TMEM132B: variants seen among roughly 807,000 people sequenced by gnomAD.
TMEM132B encodes transmembrane protein 132B.
Under a neutral mutation model 90.8 loss-of-function variants are expected in TMEM132B, and 18 were observed. The ratio of observed to expected loss-of-function variants is 0.20; its 90% CI spans 0.14 to 0.29. TMEM132B has a LOEUF of 0.29. Among genes scored for constraint, TMEM132B ranks in the 10% least tolerant of loss-of-function variants. The pLI is 1.00. For missense variants in TMEM132B, 1,096 were observed against 1,326.8 expected (o/e 0.83, Z 2.70); for synonymous variants, 504 against 523.3 (o/e 0.96, Z 0.50).
In TMEM132B at chr12:125,432,528, T is replaced by TATATATAG. The variant is rs1458075923; in HGVS notation, c.1106+16852_1106+16853insTATATAGA. Among the ~76,000 whole-genome samples, 318 of 39,116 alleles carry TATATATAG rather than the reference T, an allele frequency of 8.1e-3. 79 individuals are homozygous for TATATATAG. The highest frequency in any genetic ancestry group is 0.02 in the South Asian group (22 of 1,078). 25.7% of individuals were successfully genotyped at this position (39,116 alleles called of 152,430 possible). ...GTGTGTGTGTATATATATATATATA[T>TATATATAG]AGAGAGAGAGAGAGAGAGAGAGAGA... On this transcript the variant is annotated intron_variant, in intron 3 of 8. Coordinates refer to ENST00000682704, the MANE Select transcript of TMEM132B (RefSeq NM_001366854.1).
chr12:125,619,624 C>T (rs1201279752), intron 5 of TMEM132B, among the ~76,000 whole-genome samples: 2 of 152,032 alleles, frequency 1.3e-5, no homozygotes, highest in Non-Finnish European at 2.9e-5. Flanking sequence ...CTTAGCCTCC[C>T]AAAGTGCTGG....
At chr12:125,646,693 T>A (rs1316810757) in intron 6 of TMEM132B, among the ~76,000 whole-genome samples, 1 of 152,168 alleles carries the variant, frequency 6.6e-6, no homozygotes, top group Non-Finnish European at 1.5e-5. Context: ...TGCACAAAAG[T>A]AGGCTAGGAC....
chr12:125,614,255 T>G (rs1379336969), intron 5 of TMEM132B, among the ~76,000 whole-genome samples: 1 of 152,162 alleles, frequency 6.6e-6, no homozygotes, highest in Non-Finnish European at 1.5e-5. Flanking sequence ...GATAGTTTTT[T>G]AACCCATCCT....
intron 1 of TMEM132B, among the ~76,000 whole-genome samples, chr12:125,247,157 T>C (rs916789715): frequency 1.3e-5 from 2 of 152,198 alleles, no homozygotes; most frequent in African/African-American, 4.8e-5. Flanking sequence ...CCTTATTTTC[T>C]CCTTTCTTTG....
At chr12:125,461,907 G>A (rs1881446581) in intron 3 of TMEM132B, among the ~76,000 whole-genome samples, 1 of 152,312 alleles carries the variant, frequency 6.6e-6, no homozygotes, top group Non-Finnish European at 1.5e-5. Context: ...TCGCTGTGCT[G>A]TTCAATCTTC....
intron 4 of TMEM132B, among the ~76,000 whole-genome samples, chr12:125,527,721 C>T (rs972958977): frequency 6.6e-6 from 1 of 151,376 alleles, no homozygotes; most frequent in African/African-American, 2.5e-5. Context: ...CCCATCCACC[C>T]TTCCATCCAC....
intron 4 of TMEM132B, among the ~76,000 whole-genome samples, chr12:125,542,942 C>G (rs1883992904): frequency 6.6e-6 from 1 of 152,170 alleles, no homozygotes; most frequent in Admixed American, 6.5e-5. Flanking sequence ...GTGATGGCCT[C>G]CATTCTGATG....
chr12:125,286,957 C>T (rs1875374363), intron 1 of TMEM132B, among the ~76,000 whole-genome samples: 1 of 151,902 alleles, frequency 6.6e-6, no homozygotes, highest in African/African-American at 2.4e-5. Context: ...CCCTCCTCGG[C>T]CTCCCTAAGT....
At chr12:125,338,711 C>G (rs903282667) in intron 1 of TMEM132B, among the ~76,000 whole-genome samples, 17 of 152,202 alleles carry the variant, frequency 1.1e-4, no homozygotes, top group African/African-American at 3.9e-4. Flanking sequence ...CTCTGCTGTC[C>G]TGCCCATCAG....
At chr12:125,564,708 G>C (rs1488228377) in intron 4 of TMEM132B, among the ~76,000 whole-genome samples, 1 of 152,168 alleles carries the variant, frequency 6.6e-6, no homozygotes, top group Non-Finnish European at 1.5e-5. Context: ...TTCCTGTGTA[G>C]TTTTAGCGGG....
chr12:125,422,526 C>A (rs899123489), intron 3 of TMEM132B, among the ~76,000 whole-genome samples: 2 of 152,222 alleles, frequency 1.3e-5, no homozygotes, highest in African/African-American at 4.8e-5. Context: ...AGCATGCCCC[C>A]TCAAAAGACA....
intron 5 of TMEM132B, chr12:125,584,737 G>C (rs1340538988): frequency 6.6e-6 from 1 of 152,116 alleles, no homozygotes; most frequent in Non-Finnish European, 1.5e-5. Flanking sequence ...CATGCTCTCT[G>C]AAGGGGTCTT....
intron 1 of TMEM132B, among the ~76,000 whole-genome samples, chr12:125,266,095 G>C (rs1874688206): frequency 6.6e-6 from 1 of 152,100 alleles, no homozygotes; most frequent in Non-Finnish European, 1.5e-5. Flanking sequence ...CAGGTGTGGT[G>C]GCGGGCATCT....
intron 5 of TMEM132B, among the ~76,000 whole-genome samples, chr12:125,609,748 C>T (rs192515092): frequency 0.016 from 2,061 of 125,286 alleles, 23 homozygotes; most frequent in Middle Eastern, 0.026. Context: ...ACCTGGGAGG[C>T]GGAGGTTGCA....
intron 3 of TMEM132B, among the ~76,000 whole-genome samples, chr12:125,483,479 A>G (rs1388675174): frequency 1.3e-5 from 2 of 151,948 alleles, no homozygotes; most frequent in East Asian, 1.9e-4. Context: ...GATAAAAGCA[A>G]TTTGGTCTTG....
Position 125,186,689 on chromosome 12 carries a change from G to A in TMEM132B, c.-111G>A, listed in dbSNP as rs1244034464. On this transcript the variant is annotated 5_prime_UTR_variant, in exon 1 of 9. Transcript: ENST00000682704. This position sits in a 1 kb window ranked among gnomAD's most constrained non-coding sequence, Gnocchi z 6.3. ...GGGAGGAGCGGCGCGCTGGGAGCGA[G>A]CCATGCCCGGCGCCCGGGCGTAGCC... 6.8e-6 allele frequency: 1 copy of A among 146,546 alleles called. No individual in the cohort carries two copies. The highest frequency in any genetic ancestry group is 1.5e-5 in the Non-Finnish European group (1 of 65,900). The allele number at this position is 146,546 out of a possible 1,614,324, so 9.1% of individuals were successfully genotyped here.
chr12:125,599,040 G>A (rs574982863), intron 5 of TMEM132B, among the ~76,000 whole-genome samples: 11 of 152,264 alleles, frequency 7.2e-5, no homozygotes, highest in Non-Finnish European at 1.6e-4. Flanking sequence ...TTTGTAGTGA[G>A]GGAGCAACAT....
At chr12:125,588,583 C>T (rs974490372) in intron 5 of TMEM132B, among the ~76,000 whole-genome samples, 3 of 152,196 alleles carry the variant, frequency 2.0e-5, no homozygotes, top group Non-Finnish European at 4.4e-5. Flanking sequence ...CTGCCTCAGC[C>T]TCCCAAAGTG....
At chr12:125,289,850 A>T (rs1875484210) in intron 1 of TMEM132B, among the ~76,000 whole-genome samples, 1 of 152,224 alleles carries the variant, frequency 6.6e-6, no homozygotes, top group Non-Finnish European at 1.5e-5. Context: ...GACAGAGGGA[A>T]GCAGTGTTTC....
Sources: allele counts gnomAD v4.1 joint callset (sites outside exome capture counted in the v4.1 genomes callset), GRCh38; gene constraint gnomAD v4.1.1; non-coding constraint Gnocchi (gnomAD v3.1); transcripts MANE v1.5; gene names NCBI Gene and HGNC (gene_info 2026-07-23, HGNC 2026-07-21).